The following PCDHGB2 variants were observed in gnomAD, a reference collection of about 807,000 sequenced individuals.
The protein encoded by PCDHGB2 is protocadherin gamma subfamily B, 2.
A neutral mutation model predicts 59.3 loss-of-function variants in PCDHGB2; 55 were observed. The ratio of observed to expected loss-of-function variants is 0.93; its 90% CI spans 0.75 to 1.16. The LOEUF is 1.16. Ranked by LOEUF, PCDHGB2 falls within the 50% of genes most tolerant of loss-of-function variation. The pLI is 0.00. For synonymous variants in PCDHGB2, 516 were observed against 512.0 expected (o/e 1.01, Z -0.11); for missense variants, 1,228 against 1,198.5 (o/e 1.02, Z -0.36).
chr5:141,392,746 G>A (rs970809453), intron 1 of PCDHGB2: 4 of 1,443,856 alleles, frequency 2.8e-6, no homozygotes, highest in Non-Finnish European at 3.6e-6. Flanking sequence ...CATAGCTGCG[G>A]CAAGAAACTA....
intron 1 of PCDHGB2, chr5:141,379,119 T>G (rs1179184154): frequency 6.6e-6 from 1 of 152,346 alleles, no homozygotes; most frequent in Admixed American, 6.5e-5. Flanking sequence ...AGAAGATACC[T>G]TGAAAATAAA....
At chr5:141,456,968 AAAAC>A (rs202005606) in intron 1 of PCDHGB2, among the ~76,000 whole-genome samples, 2,421 of 152,270 alleles carry the variant, frequency 0.016, 37 homozygotes, top group Non-Finnish European at 0.025. Context: ...ATCTCAAAAC[AAAAC>A]AAACAAACAA....
At chr5:141,453,093 C>A (rs1408495535) in intron 1 of PCDHGB2, among the ~76,000 whole-genome samples, 1 of 151,928 alleles carries the variant, frequency 6.6e-6, no homozygotes, top group African/African-American at 2.4e-5. Context: ...AGTATATTTT[C>A]TGTTGCTTTT....
chr5:141,415,432 T>G, intron 1 of PCDHGB2: 1 of 1,614,222 alleles, frequency 6.2e-7, no homozygotes, highest in East Asian at 2.2e-5. Flanking sequence ...GGTTCGGGCT[T>G]TCCTGCAGAC....
At chr5:141,420,770 T>G (rs1485978181) in intron 1 of PCDHGB2, among the ~76,000 whole-genome samples, 1 of 152,202 alleles carries the variant, frequency 6.6e-6, no homozygotes, top group Non-Finnish European at 1.5e-5. Flanking sequence ...AGTTTTCAGC[T>G]CCAGTAATAT....
Position 141,362,427 on chromosome 5 carries a change from G to C in PCDHGB2, c.2292G>C (p.Glu764Asp), listed in dbSNP as rs1762495108. The stretch of plus-strand genomic sequence containing the variant: ...TTGCCTCACAATCAGCCAAGACAGA[G>C]TTCAATTTTCTGAACATAACCCCGG... Reference protein sequence around the residue: ...LCVASQSAKTEFNFLNITPEL... With the variant: ...LCVASQSAKTDFNFLNITPEL... The change falls in exon 1 of 4, where the codon GAG (glutamate) becomes GAC (aspartate). Residue 764 changes from glutamate (E) to aspartate (D), a missense_variant. By Grantham distance (45) the Glu-to-Asp change is conservative. Transcript: ENST00000522605. 1.9e-6 allele frequency: 3 copies of C among 1,614,030 alleles called. No individual in the cohort carries two copies. The highest frequency in any genetic ancestry group is 1.7e-6 in the Non-Finnish European group (2 of 1,179,912).
At chr5:141,384,215 T>C in intron 1 of PCDHGB2, 1 of 1,613,862 alleles carries the variant, frequency 6.2e-7, no homozygotes, top group Non-Finnish European at 8.5e-7. Flanking sequence ...ACTCACATAT[T>C]CATGCAGGTG....
rs750827454 is a variant in PCDHGB2, at chr5:141,394,736, C to T, written c.2421+32180C>T. The stretch of plus-strand genomic sequence containing the variant: ...TGGACAGAGATGCGCTCAAGCAGAG[C>T]CTCGTGGTGGCCGTCCAGGACCATG... On this transcript the variant is annotated intron_variant, in intron 1 of 3. Transcript: ENST00000522605. 13 of 1,613,338 alleles carry T rather than the reference C, an allele frequency of 8.1e-6. No homozygotes were observed. The African/African-American group carries it at 1.5e-4, about 18-fold the overall frequency.
At chr5:141,415,454 A>G (rs899212436) in intron 1 of PCDHGB2, 2 of 1,614,162 alleles carry the variant, frequency 1.2e-6, no homozygotes, top group Non-Finnish European at 8.5e-7. Flanking sequence ...TATTCCCACG[A>G]GGTCTCTCTC....
intron 1 of PCDHGB2, among the ~76,000 whole-genome samples, chr5:141,455,315 T>G (rs1416163436): frequency 6.6e-6 from 1 of 152,152 alleles, no homozygotes; most frequent in Non-Finnish European, 1.5e-5. Context: ...TTAGCAATTT[T>G]GTGTGTGTGT....
chr5:141,383,002 G>T lies in PCDHGB2; in HGVS notation c.2421+20446G>T, dbSNP rs376825891. On this transcript the variant is annotated intron_variant, in intron 1 of 3. Coordinates refer to ENST00000522605, the MANE Select transcript of PCDHGB2 (RefSeq NM_018923.3). ...CTGGGCAGGACGTATTCTCTACTCC[G>T]TGTCGGAGGAGACGGACAAAGGGTC... The T allele has an allele frequency of 1.2e-6, 2 of 1,613,650 alleles. No individual in the cohort carries two copies. Among genetic ancestry groups the T allele is most frequent in the African/African-American group, 1.3e-5 (1 of 74,948 alleles).
chr5:141,388,433 A>G, intron 1 of PCDHGB2: 1 of 1,613,878 alleles, frequency 6.2e-7, no homozygotes, highest in Non-Finnish European at 8.5e-7. Flanking sequence ...TGATAAATAA[A>G]GAGAAATCAG....
At chr5:141,452,538 G>T (rs1330051133) in intron 1 of PCDHGB2, among the ~76,000 whole-genome samples, 1 of 152,148 alleles carries the variant, frequency 6.6e-6, no homozygotes, top group Non-Finnish European at 1.5e-5. Flanking sequence ...AGTTCATATT[G>T]ATACCTCCAG....
intron 1 of PCDHGB2, chr5:141,394,938 G>C: frequency 6.2e-7 from 1 of 1,613,780 alleles, no homozygotes; most frequent in Admixed American, 1.7e-5. Context: ...CGCCTTTGTC[G>C]CTGTGCTTCT....
chr5:141,388,591 A>G (rs761143693), intron 1 of PCDHGB2: 9 of 1,613,804 alleles, frequency 5.6e-6, no homozygotes, highest in African/African-American at 5.3e-5. Flanking sequence ...ACTGATGCCA[A>G]TGATAATGCT....
At chr5:141,409,617 C>A (rs2095293168) in intron 1 of PCDHGB2, 1 of 1,613,748 alleles carries the variant, frequency 6.2e-7, no homozygotes, top group South Asian at 1.1e-5. Context: ...GCCTCCATTG[C>A]GCAAGTGAGC....
intron 1 of PCDHGB2, chr5:141,484,858 T>A: frequency 4.1e-6 from 1 of 245,806 alleles, no homozygotes; most frequent in Non-Finnish European, 7.8e-6. Context: ...TTTTGGGGGG[T>A]GGGGGAGCGT....
chr5:141,444,494 A>G (rs892854259), intron 1 of PCDHGB2, among the ~76,000 whole-genome samples: 1 of 152,010 alleles, frequency 6.6e-6, no homozygotes, highest in Admixed American at 6.6e-5. Flanking sequence ...ATATTGTGTA[A>G]TACTTTGCTC....
intron 1 of PCDHGB2, chr5:141,408,979 C>A (rs1331121466): frequency 6.2e-7 from 1 of 1,613,862 alleles, no homozygotes; most frequent in East Asian, 2.2e-5. Flanking sequence ...CCCCTGGGTC[C>A]CCTGTGTTGC....
Sources: gnomAD v4.1 joint callset for allele counts (sites outside exome capture counted in the v4.1 genomes callset) on GRCh38, gnomAD v4.1.1 for gene constraint, MANE v1.5 for transcripts, NCBI Gene and HGNC (gene_info 2026-07-23, HGNC 2026-07-21) for gene names.